TRIP4: variants seen among roughly 807,000 people sequenced by gnomAD.
TRIP4 encodes the protein thyroid hormone receptor interactor 4.
Under a neutral mutation model 81.8 loss-of-function variants are expected in TRIP4, and 54 were observed. That is an observed-to-expected ratio of 0.66 (90% CI 0.53 to 0.83). The LOEUF (loss-of-function observed/expected upper bound fraction) is 0.83. TRIP4 is among the 40% of genes least tolerant of loss of function. The pLI is 0.00. For missense variants in TRIP4, 662 were observed against 683.6 expected, an observed-to-expected ratio of 0.97 and a Z score of 0.35; for synonymous variants, 270 against 242.8, an observed-to-expected ratio of 1.11 and a Z score of -1.04.
At chr15:64,437,236 T>C (rs1200022978) in intron 11 of TRIP4, among the ~76,000 whole-genome samples, 13 of 143,748 alleles carry the variant, frequency 9.0e-5, no homozygotes, top group Non-Finnish European at 2.0e-4. Flanking sequence ...CTGGCCAACA[T>C]GGTGAAACCC....
At chr15:64,396,812 A>G (rs1900308904) in intron 3 of TRIP4, among the ~76,000 whole-genome samples, 1 of 152,240 alleles carries the variant, frequency 6.6e-6, no homozygotes, top group Non-Finnish European at 1.5e-5. Context: ...GCTGTGTCAT[A>G]GAACATGCAT....
intron 9 of TRIP4, among the ~76,000 whole-genome samples, chr15:64,420,984 A>C (rs1002484351): frequency 6.6e-6 from 1 of 152,060 alleles, no homozygotes; most frequent in Non-Finnish European, 1.5e-5. Flanking sequence ...TTCAATCAGC[A>C]ATGGAACACA....
At position 64,387,925 on chromosome 15, in the gene TRIP4, G is replaced by C. The variant is rs1334521717; in HGVS notation, c.62G>C (p.Arg21Pro). 1 of 1,551,072 alleles carries C rather than the reference G, an allele frequency of 6.4e-7. No homozygotes were observed. Among genetic ancestry groups the C allele is most frequent in the Non-Finnish European group, 8.7e-7 (1 of 1,147,114 alleles). ...GTGCACTGGTGCACCCAGCAGTTGCGGAAGACTTTCGGCCTGGATGTCAGC... is the reference window on the plus strand; with the variant it reads ...GTGCACTGGTGCACCCAGCAGTTGCCGAAGACTTTCGGCCTGGATGTCAGC... ...PLVHWCTQQL[R>P]KTFGLDVSEE... The change falls in exon 1 of 13, where the codon CGG becomes CCG. Residue 21 changes from arginine (R) to proline (P), a missense_variant. By Grantham distance (103) the Arg-to-Pro change is moderately radical (BLOSUM62 -2). Transcript: ENST00000261884.
chr15:64,389,993 C>T (rs549287154), intron 1 of TRIP4, among the ~76,000 whole-genome samples: 23 of 148,710 alleles, frequency 1.5e-4, no homozygotes, highest in African/African-American at 4.7e-4. Context: ...TGAGCCACCA[C>T]GCCTGGCCCA....
intron 8 of TRIP4, among the ~76,000 whole-genome samples, chr15:64,417,548 C>G (rs1223035992): frequency 6.6e-6 from 1 of 152,148 alleles, no homozygotes; most frequent in Admixed American, 6.5e-5. Context: ...TATCGTTGCT[C>G]TGGAAGAAAC....
chr15:64,445,192 A>T (rs1444818790), intron 12 of TRIP4, 84 bp downstream of exon 12: 13 of 681,894 alleles, frequency 1.9e-5, no homozygotes, highest in Non-Finnish European at 3.3e-5. Flanking sequence ...AGTTCAATCT[A>T]TAACTGACTG....
chr15:64,392,750 G>T (rs1021063726), intron 1 of TRIP4, among the ~76,000 whole-genome samples: 15 of 152,062 alleles, frequency 9.9e-5, no homozygotes, highest in Non-Finnish European at 2.9e-5. Flanking sequence ...AAGTAGCTAG[G>T]ACTACAGGAA....
intron 9 of TRIP4, among the ~76,000 whole-genome samples, chr15:64,419,850 C>T (rs1483068844): frequency 1.3e-5 from 2 of 151,802 alleles, no homozygotes; most frequent in Non-Finnish European, 2.9e-5. Context: ...GAGTCTTGCT[C>T]TGTCACCCAG....
At chr15:64,424,204 A>G (rs746206925) in intron 10 of TRIP4, 49 bp downstream of exon 10, 1 of 1,606,220 alleles carries the variant, frequency 6.2e-7, no homozygotes, top group Non-Finnish European at 8.5e-7. Flanking sequence ...GAGAGAAGTC[A>G]TTGACGTTCA....
rs112961989 is a variant in TRIP4 at position 64,392,415 on chromosome 15, T to C, written c.102-1531T>C. ...CTGGTAAGTTTGGGGATCAAGATGA[T>C]TAAAATGTGTAAGTCCTGAAAAACC... On this transcript the variant is annotated intron_variant, in intron 1 of 12. Coordinates refer to ENST00000261884, the MANE Select transcript of TRIP4 (RefSeq NM_016213.5). Among the ~76,000 whole-genome samples the C allele has an allele frequency of 1.4e-3, 215 of 152,278 alleles. 1 individual carries two copies. Among genetic ancestry groups the C allele is most frequent in the African/African-American group, 4.9e-3 (203 of 41,546 alleles).
At chr15:64,400,651 C>T in intron 4 of TRIP4, 92 bp from the exon 5 acceptor site, 1 of 926,824 alleles carries the variant, frequency 1.1e-6, no homozygotes, top group South Asian at 1.5e-5. Flanking sequence ...TTATCATCAT[C>T]TAATGTGTAA....
intron 12 of TRIP4, among the ~76,000 whole-genome samples, chr15:64,446,637 T>G (rs973137163): frequency 6.0e-5 from 9 of 151,112 alleles, no homozygotes; most frequent in African/African-American, 9.7e-5. Context: ...CTCCTGACCT[T>G]GTGATCCGCC....
At position 64,397,104 on chromosome 15, in the gene TRIP4, C is replaced by G. The variant is rs1008662951; in HGVS notation, c.406-502C>G. Among the ~76,000 whole-genome samples, 4 of 152,200 alleles carry G rather than the reference C, an allele frequency of 2.6e-5. No individual in the cohort carries two copies. In the East Asian group the frequency reaches 7.7e-4, roughly 29 times the overall value. ...TTTTTGTTTGAGATAGGATCTCGCT[C>G]TGTTGCCCAGTGGCGTCAACTCGAC... On this transcript the variant is annotated intron_variant, in intron 3 of 12. Transcript: ENST00000261884.
intron 12 of TRIP4, among the ~76,000 whole-genome samples, chr15:64,446,870 C>T (rs1240730037): frequency 4.6e-5 from 7 of 151,406 alleles, no homozygotes; most frequent in Non-Finnish European, 8.8e-5. Context: ...TTTGGGAGGC[C>T]GAGGCAAGTG....
chr15:64,433,434 C>G (rs2140306189), intron 11 of TRIP4, among the ~76,000 whole-genome samples: 1 of 152,038 alleles, frequency 6.6e-6, no homozygotes, highest in East Asian at 1.9e-4. Context: ...AACCTCATCT[C>G]TACTAAAAAT....
In TRIP4 at chr15:64,454,133, C is replaced by G. The variant is rs545500225; in HGVS notation, c.1679-864C>G. Among the ~76,000 whole-genome samples the G allele has an allele frequency of 8.3e-3, 1,123 of 134,510 alleles. 7 individuals are homozygous for G. Among genetic ancestry groups the G allele is most frequent in the Non-Finnish European group, 0.013 (782 of 61,458 alleles). 88.2% of individuals were successfully genotyped at this position (134,510 alleles called of 152,430 possible). A position where few individuals can be genotyped will look rare whatever the true frequency, so the allele number is the denominator to read the frequency against. ...ACTCCTTGTTTTTTTTTTTTGTTTT[C>G]TTTTTTTTTTTTAGTGCTGAGACTG... On this transcript the variant is annotated intron_variant, in intron 12 of 12. Coordinates refer to ENST00000261884, the MANE Select transcript of TRIP4 (RefSeq NM_016213.5).
intron 1 of TRIP4, among the ~76,000 whole-genome samples, chr15:64,389,636 A>G (rs1395176786): frequency 6.6e-6 from 1 of 152,168 alleles, no homozygotes; most frequent in Non-Finnish European, 1.5e-5. Flanking sequence ...AATGCTATCA[A>G]ATGAAATAAT....
intron 7 of TRIP4, among the ~76,000 whole-genome samples, chr15:64,410,554 A>T (rs528560662): frequency 6.6e-6 from 1 of 152,316 alleles, no homozygotes; most frequent in South Asian, 2.1e-4. Flanking sequence ...AATCTAGGTA[A>T]TGTCTTTATC....
rs74638725 is a variant in TRIP4, at chr15:64,452,889, T to C, written c.1679-2108T>C. 3.1e-3 allele frequency among the ~76,000 whole-genome samples: 473 copies of C among 152,184 alleles called. 1 individual carries two copies. The highest frequency in any genetic ancestry group is 0.011 in the African/African-American group (455 of 41,512). ...AGCTAGGAAGTCTTAGGATTAAAACTGAGTTTTTCAGCCAGGTGTGGTGGC... is the reference window on the plus strand; with the variant it reads ...AGCTAGGAAGTCTTAGGATTAAAACCGAGTTTTTCAGCCAGGTGTGGTGGC... On this transcript the variant is annotated intron_variant, in intron 12 of 12. Coordinates refer to ENST00000261884, the MANE Select transcript of TRIP4 (RefSeq NM_016213.5).
Sources: gnomAD v4.1 joint callset for allele counts (sites outside exome capture counted in the v4.1 genomes callset) on GRCh38, gnomAD v4.1.1 for gene constraint, MANE v1.5 for transcripts, NCBI Gene and HGNC (gene_info 2026-07-23, HGNC 2026-07-21) for gene names.